Variants in SPAST observed in about 807,000 individuals in gnomAD.
SPAST encodes the protein spastin.
A neutral mutation model predicts 76.6 loss-of-function variants in SPAST; 30 were observed. That is an observed-to-expected ratio of 0.39 (90% CI 0.29 to 0.53). The LOEUF is 0.53. SPAST is among the 20% of genes least tolerant of loss of function. The probability of loss-of-function intolerance (pLI) is 0.68; values close to 1 mark genes in which losing one functional copy is unlikely to be tolerated. For missense variants in SPAST, 717 were observed against 770.5 expected, an observed-to-expected ratio of 0.93 and a Z score of 0.82; for synonymous variants, 305 against 281.0, an observed-to-expected ratio of 1.09 and a Z score of -0.86.
intron 4 of SPAST, among the ~76,000 whole-genome samples, chr2:32,100,345 G>A (rs34835885): frequency 0.25 from 36,714 of 144,228 alleles, 4,947 homozygotes; most frequent in East Asian, 0.45. Context: ...TTTAGCAATA[G>A]TTTCATGTGC....
At chr2:32,142,103 A>G (rs1287796580) in intron 13 of SPAST, among the ~76,000 whole-genome samples, 157 bp downstream of exon 13, 2 of 152,220 alleles carry the variant, frequency 1.3e-5, no homozygotes, top group Admixed American at 1.3e-4. Context: ...AGAGCCAGCA[A>G]TTTCACTCCT....
chr2:32,121,065 T>G (rs1314519107), intron 7 of SPAST, among the ~76,000 whole-genome samples: 3 of 152,178 alleles, frequency 2.0e-5, no homozygotes, highest in African/African-American at 7.2e-5. Context: ...GATCTTCTCT[T>G]TATTCTTATC....
At chr2:32,110,575 A>ATATATACTATATAGTGTGTATATATAG (rs1558319795) in intron 4 of SPAST, among the ~76,000 whole-genome samples, 4 of 128,316 alleles carry the variant, frequency 3.1e-5, no homozygotes, top group Non-Finnish European at 6.4e-5. Context: ...TATATAGTAT[A>ATATATACTATATAGTGTGTATATATAG]TATATAGTGT....
chr2:32,112,161 C>T (rs1471704437), intron 4 of SPAST, among the ~76,000 whole-genome samples: 2 of 151,060 alleles, frequency 1.3e-5, no homozygotes, highest in East Asian at 3.9e-4. Flanking sequence ...CCATGTTGGC[C>T]AGGCTGATCT....
At chr2:32,138,995 T>A (rs1232757124) in intron 12 of SPAST, among the ~76,000 whole-genome samples, 1 of 152,182 alleles carries the variant, frequency 6.6e-6, no homozygotes, top group East Asian at 1.9e-4. Flanking sequence ...ATTTCTCAAT[T>A]TTCTGTCCTG....
intron 7 of SPAST, among the ~76,000 whole-genome samples, chr2:32,125,339 T>C (rs1302281192): frequency 2.0e-5 from 3 of 152,128 alleles, no homozygotes; most frequent in African/African-American, 4.8e-5. Context: ...TTCTCATGCC[T>C]CAACCTCCCG....
rs541977891 is a variant in SPAST at position 32,156,357 on chromosome 2, G to A, written c.*1861G>A. ...CAGCCAGAAGATGCATGATTTCTTA[G>A]GATCATATGCTGTTTGTAGCCATAA... On this transcript the variant is annotated 3_prime_UTR_variant, in exon 17 of 17. Coordinates refer to ENST00000315285, the MANE Select transcript of SPAST (RefSeq NM_014946.4). The A allele has an allele frequency of 6.6e-6, 1 of 152,238 alleles. No homozygotes were observed. The highest frequency in any genetic ancestry group is 1.9e-4 in the East Asian group (1 of 5,182). 9.4% of individuals were successfully genotyped at this position (152,238 alleles called of 1,614,324 possible). A position where few individuals can be genotyped will look rare whatever the true frequency, so the allele number is the denominator to read the frequency against.
intron 4 of SPAST, among the ~76,000 whole-genome samples, chr2:32,100,226 G>A (rs79137136): frequency 5.8e-4 from 88 of 150,444 alleles, no homozygotes; most frequent in African/African-American, 2.1e-3. Flanking sequence ...AAGATACCTT[G>A]TTGTGGTTTT....
At chr2:32,087,988 A>T (rs1286025064) in intron 2 of SPAST, among the ~76,000 whole-genome samples, 6 of 151,708 alleles carry the variant, frequency 4.0e-5, no homozygotes, top group Non-Finnish European at 8.8e-5. Context: ...GATTCAGGCT[A>T]TTTATTCTCC....
chr2:32,067,177 T>C (rs992229616), intron 1 of SPAST, among the ~76,000 whole-genome samples: 2 of 152,116 alleles, frequency 1.3e-5, no homozygotes, highest in Non-Finnish European at 2.9e-5. Flanking sequence ...TTCTCCTGCC[T>C]CAGCCTCCTG....
chr2:32,087,671 C>A, intron 2 of SPAST, 93 bp downstream of exon 2: 23 of 386,494 alleles, frequency 6.0e-5, no homozygotes, highest in Non-Finnish European at 9.1e-5. Flanking sequence ...ATTTATTTTT[C>A]TTTCTTTCTT....
At chr2:32,104,337 A>T (rs916375490) in intron 4 of SPAST, among the ~76,000 whole-genome samples, 2 of 152,008 alleles carry the variant, frequency 1.3e-5, no homozygotes, top group African/African-American at 4.8e-5. Flanking sequence ...TTTTGAGCCT[A>T]TGTGTGTCTC....
intron 9 of SPAST, among the ~76,000 whole-genome samples, chr2:32,134,097 G>A (rs1465249538): frequency 3.9e-5 from 6 of 152,060 alleles, no homozygotes; most frequent in South Asian, 2.1e-4. Context: ...GTACAGTGGC[G>A]TGATCATGGC....
chr2:32,152,479 C>A (rs942735719), intron 16 of SPAST, among the ~76,000 whole-genome samples: 21 of 151,992 alleles, frequency 1.4e-4, no homozygotes, highest in African/African-American at 4.6e-4. Context: ...ATCTCTTAAG[C>A]CTGGGAGGCA....
At chr2:32,145,270 TATTTC>T (rs1256072656) in intron 15 of SPAST, among the ~76,000 whole-genome samples, 2 of 152,142 alleles carry the variant, frequency 1.3e-5, no homozygotes, top group Admixed American at 6.6e-5. Flanking sequence ...TATTTTATTT[TATTTC>T]TTGTAGAGAC....
chr2:32,144,867 A>G (rs905189962), intron 14 of SPAST, 70 bp from the exon 15 acceptor site: 3 of 1,040,744 alleles, frequency 2.9e-6, no homozygotes, highest in Admixed American at 1.9e-5. Context: ...CTGGGCAACA[A>G]GAGCAAAACT....
At position 32,063,951 on chromosome 2, in the gene SPAST, T is replaced by A. The variant is rs371042604; in HGVS notation, c.120T>A (p.Pro40=). The change falls in exon 1 of 17, where the codon CCT becomes CCA. Residue 40 remains proline (P), a synonymous_variant. Transcript: ENST00000315285. The part of the protein sequence containing the change: ...APAPPAAGPA[P]PPESPHKRNL... Reference sequence around the variant, plus strand: ...CCCCTCCCGCCGCCGGGCCGGCCCCTCCGCCCGAGTCGCCGCATAAGCGGA... The same window carrying A: ...CCCCTCCCGCCGCCGGGCCGGCCCCACCGCCCGAGTCGCCGCATAAGCGGA... The A allele has an allele frequency of 4.4e-6, 7 of 1,596,866 alleles. No homozygotes were observed. Among genetic ancestry groups the A allele is most frequent in the African/African-American group, 2.7e-5 (2 of 73,990 alleles).
chr2:32,068,582 A>G (rs1480516378), intron 1 of SPAST, among the ~76,000 whole-genome samples: 1 of 151,680 alleles, frequency 6.6e-6, no homozygotes. Context: ...CCTTGGCCTC[A>G]CAAACTGCTA....
intron 10 of SPAST, 88 bp downstream of exon 10, chr2:32,136,726 G>C: frequency 7.5e-7 from 1 of 1,340,680 alleles, no homozygotes; most frequent in South Asian, 1.2e-5. Flanking sequence ...ACATTATTCA[G>C]AAGGAAGAAG....
Sources: gnomAD v4.1 joint callset for allele counts (sites outside exome capture counted in the v4.1 genomes callset) on GRCh38, gnomAD v4.1.1 for gene constraint, MANE v1.5 for transcripts, NCBI Gene and HGNC (gene_info 2026-07-23, HGNC 2026-07-21) for gene names.